WIPF3: variants seen among roughly 807,000 people sequenced by gnomAD.
WIPF3 encodes the protein WAS/WASL interacting protein family member 3, also known as WAS/WASL-interacting protein family member 3.
WIPF3 carries 33 observed loss-of-function variants against 38.9 expected under a neutral mutation model. That is an observed-to-expected ratio of 0.85 (90% confidence interval 0.64 to 1.14). WIPF3 has a LOEUF of 1.14. Ranked by LOEUF, WIPF3 falls within the 50% of genes most tolerant of loss-of-function variation. The probability of loss-of-function intolerance (pLI) is 0.00; values close to 1 mark genes in which losing one functional copy is unlikely to be tolerated. For synonymous variants in WIPF3, 324 were observed against 269.3 expected (o/e 1.20, Z -1.99); for missense variants, 711 against 652.5 (o/e 1.09, Z -0.98).
Position 29,914,499 on chromosome 7 carries a change from C to G in WIPF3, c.1435C>G (p.Leu479Val). 6.6e-7 allele frequency: 1 copy of G among 1,522,018 alleles called. No homozygotes were observed. Among genetic ancestry groups the G allele is most frequent in the African/African-American group, 1.4e-5 (1 of 71,562 alleles). The allele number at this position is 1,522,018 out of a possible 1,614,324, so 94.3% of individuals were successfully genotyped here. ...DIKGRNSQLS[L>V]KTLR ...TTCTGTTATGTTTCCACAGTTATCT[C>G]TAAAGACTCTTCGGTGAGAAGACAG... Residue 479 changes from leucine to valine, a missense_variant, in exon 9 of 9, where the codon CTA (leucine) becomes GTA (valine). Transcript: ENST00000242140.
chr7:29,876,841 G>A (rs570862365), intron 3 of WIPF3, among the ~76,000 whole-genome samples: 1 of 152,302 alleles, frequency 6.6e-6, no homozygotes, highest in East Asian at 1.9e-4. Flanking sequence ...CAGGTCAGAC[G>A]ACCCACATTG....
At chr7:29,853,396 G>A (rs1785137200) in intron 2 of WIPF3, among the ~76,000 whole-genome samples, 1 of 152,200 alleles carries the variant, frequency 6.6e-6, no homozygotes, top group South Asian at 2.1e-4. Flanking sequence ...TTCTCACAGG[G>A]ACAGGTTCAT....
chr7:29,861,134 C>G (rs1230874611), intron 2 of WIPF3, among the ~76,000 whole-genome samples: 2 of 152,150 alleles, frequency 1.3e-5, no homozygotes, highest in African/African-American at 2.4e-5. Context: ...CTAGGTGTTT[C>G]AGCTCATTCC....
At chr7:29,910,480 C>G (rs1217025377) in intron 8 of WIPF3, among the ~76,000 whole-genome samples, 1 of 152,098 alleles carries the variant, frequency 6.6e-6, no homozygotes, top group African/African-American at 2.4e-5. Context: ...AAACCGTAGA[C>G]CAATATCCCT....
chr7:29,915,595 T>C lies in WIPF3; in HGVS notation c.*1079T>C, dbSNP rs1786599583. 1 of 152,210 alleles carries C rather than the reference T, an allele frequency of 6.6e-6. No homozygotes were observed. Among genetic ancestry groups the C allele is most frequent in the Non-Finnish European group, 1.5e-5 (1 of 68,056 alleles). 9.4% of individuals were successfully genotyped at this position (152,210 alleles called of 1,614,324 possible). ...ACCTTGCCTGACAACTCCACATTCATTCCCTTGTGGTGGGCACCTGTCTGT... is the reference window on the plus strand; with the variant it reads ...ACCTTGCCTGACAACTCCACATTCACTCCCTTGTGGTGGGCACCTGTCTGT... On this transcript the variant is annotated 3_prime_UTR_variant, in exon 9 of 9. Coordinates refer to ENST00000242140, the MANE Select transcript of WIPF3 (RefSeq NM_001080529.3).
intron 2 of WIPF3, among the ~76,000 whole-genome samples, chr7:29,872,022 GA>G (rs1388337604): frequency 6.6e-6 from 1 of 152,200 alleles, no homozygotes; most frequent in Non-Finnish European, 1.5e-5. Context: ...GACAAAACAA[GA>G]GTGAACTTGG....
At chr7:29,870,943 TG>T (rs1332285968) in intron 2 of WIPF3, among the ~76,000 whole-genome samples, 1 of 135,426 alleles carries the variant, frequency 7.4e-6, no homozygotes, top group Non-Finnish European at 1.6e-5. Flanking sequence ...GGCAACAGAG[TG>T]ACACCCCATC....
chr7:29,881,711 G>C (rs1410367557), intron 4 of WIPF3, among the ~76,000 whole-genome samples: 2 of 152,216 alleles, frequency 1.3e-5, no homozygotes, highest in Non-Finnish European at 2.9e-5. Context: ...GGGTTGAATA[G>C]AATATGTAAT....
intron 2 of WIPF3, among the ~76,000 whole-genome samples, chr7:29,839,295 T>C (rs962073926): frequency 6.6e-5 from 10 of 152,230 alleles, no homozygotes; most frequent in African/African-American, 2.4e-4. Context: ...CCAAATTAAT[T>C]TGTAACTTCC....
Position 29,883,981 on chromosome 7 carries a change from A to G in WIPF3, c.487A>G (p.Arg163Gly). ...GNTSEAHGAARTAPPRPNVPA... is the reference protein window; with the variant it reads ...GNTSEAHGAAGTAPPRPNVPA... ...TACCTCCGAGGCGCATGGCGCTGCC[A>G]GGACAGCCCCGCCTCGCCCCAACGT... The change falls in exon 5 of 9, where the codon AGG becomes GGG. Residue 163 changes from arginine (R) to glycine (G), a missense_variant. Physicochemically the swap from Arg to Gly is moderately radical, Grantham distance 125. Coordinates refer to ENST00000242140, the MANE Select transcript of WIPF3 (RefSeq NM_001080529.3). 6.5e-7 allele frequency: 1 copy of G among 1,537,438 alleles called. No homozygotes were observed.
intron 1 of WIPF3, among the ~76,000 whole-genome samples, chr7:29,807,652 C>T (rs552012645): frequency 6.6e-6 from 1 of 152,362 alleles, no homozygotes; most frequent in African/African-American, 2.4e-5. Context: ...AGGGAAAGGC[C>T]AGGAGAGCGG....
At chr7:29,833,602 A>G (rs984137685) in intron 1 of WIPF3, among the ~76,000 whole-genome samples, 9 of 152,248 alleles carry the variant, frequency 5.9e-5, no homozygotes, top group Non-Finnish European at 8.8e-5. Context: ...AAAGCATCAC[A>G]TTGCATAAAT....
intron 2 of WIPF3, among the ~76,000 whole-genome samples, chr7:29,848,843 T>C (rs1054002952): frequency 6.6e-6 from 1 of 152,022 alleles, no homozygotes; most frequent in African/African-American, 2.4e-5. Context: ...TTGTTGAAGG[T>C]GGATGATGAT....
intron 2 of WIPF3, among the ~76,000 whole-genome samples, chr7:29,839,324 G>A (rs1784878935): frequency 6.6e-6 from 1 of 152,192 alleles, no homozygotes; most frequent in Non-Finnish European, 1.5e-5. Flanking sequence ...GATTGATTCA[G>A]ACAAGAATCA....
chr7:29,905,084 G>A (rs1378857417), intron 8 of WIPF3: 2 of 152,150 alleles, frequency 1.3e-5, no homozygotes, highest in African/African-American at 4.8e-5. Flanking sequence ...GTTAAACCAG[G>A]CAATTCTGCA....
chr7:29,842,316 A>G (rs1784924882), intron 2 of WIPF3, among the ~76,000 whole-genome samples: 3 of 152,246 alleles, frequency 2.0e-5, no homozygotes, highest in African/African-American at 7.2e-5. Context: ...ACAAAGGGGA[A>G]ACTGGCTTGA....
At chr7:29,905,780 C>T (rs1221759839) in intron 8 of WIPF3, 2 of 152,152 alleles carry the variant, frequency 1.3e-5, no homozygotes, top group African/African-American at 4.8e-5. Flanking sequence ...GCTGAAGTGG[C>T]CTCCTGGGGA....
chr7:29,893,019 C>T (rs553799130), intron 7 of WIPF3, among the ~76,000 whole-genome samples: 14 of 151,884 alleles, frequency 9.2e-5, no homozygotes, highest in African/African-American at 2.9e-4. Context: ...GAGCTGAGAT[C>T]GTGCCATTGC....
chr7:29,886,636 T>C (rs1215180202), intron 5 of WIPF3, among the ~76,000 whole-genome samples: 1 of 152,124 alleles, frequency 6.6e-6, no homozygotes, highest in Non-Finnish European at 1.5e-5. Flanking sequence ...GTATTACAAG[T>C]GTGAGCCACT....
Sources: gnomAD v4.1 joint callset for allele counts (sites outside exome capture counted in the v4.1 genomes callset) on GRCh38, gnomAD v4.1.1 for gene constraint, MANE v1.5 for transcripts, NCBI Gene and HGNC (gene_info 2026-07-23, HGNC 2026-07-21) for gene names.